TTC16: variants seen among roughly 807,000 people sequenced by gnomAD.
TTC16 encodes tetratricopeptide repeat domain 16.
TTC16 carries 66 observed loss-of-function variants against 80.4 expected under a neutral mutation model. That is an observed-to-expected ratio of 0.82 (90% CI 0.67 to 1.01). The LOEUF (loss-of-function observed/expected upper bound fraction) is 1.01. Ranked by LOEUF, TTC16 falls within the 50% of genes least tolerant of loss-of-function variation. The probability of loss-of-function intolerance (pLI) is 0.00; values close to 1 mark genes in which losing one functional copy is unlikely to be tolerated. For missense variants in TTC16, 1,070 were observed against 1,103.2 expected, an observed-to-expected ratio of 0.97 and a Z score of 0.43; for synonymous variants, 438 against 451.3, an observed-to-expected ratio of 0.97 and a Z score of 0.37.
rs1273314029 is a variant in TTC16, at chr9:127,722,994, G to A, written c.658-125G>A. 3 of 867,670 alleles carry A rather than the reference G, an allele frequency of 3.5e-6. No individual in the cohort carries two copies. Among genetic ancestry groups the A allele is most frequent in the Non-Finnish European group, 5.3e-6 (3 of 570,746 alleles). 53.7% of individuals were successfully genotyped at this position (867,670 alleles called of 1,614,324 possible). A position where few individuals can be genotyped will look rare whatever the true frequency, so the allele number is the denominator to read the frequency against. On this transcript the variant is annotated intron_variant, in intron 6 of 13. Transcript: ENST00000373289. The surrounding 1 kb of genome is among the most constrained non-coding windows in gnomAD (Gnocchi z 4.2). ...AAAAAAAAAAAAAAGCAGAAAGGGT[G>A]GAACATGGAGGGATGTGAGGGGCAC... is the stretch of plus-strand genomic sequence containing the variant.
chr9:127,727,332 A>C lies in TTC16; in HGVS notation c.1631A>C (p.Gln544Pro), dbSNP rs534598690. 4 of 1,603,358 alleles carry C rather than the reference A, an allele frequency of 2.5e-6. No individual in the cohort carries two copies. The highest frequency in any genetic ancestry group is 3.4e-6 in the Non-Finnish European group (4 of 1,172,910). Reference sequence around the variant, plus strand: ...TTGGCCCTGCAGCACTCATGGAAGCAGGGGGAGCCTTTGATTGCGACCTCC... The same window carrying C: ...TTGGCCCTGCAGCACTCATGGAAGCCGGGGGAGCCTTTGATTGCGACCTCC... ...KALALQHSWK[Q>P]GEPLIATSEE... Residue 544 changes from glutamine to proline, a missense_variant, in exon 12 of 14, where the codon CAG (glutamine) becomes CCG (proline). Coordinates refer to ENST00000373289, the MANE Select transcript of TTC16 (RefSeq NM_144965.3).
chr9:127,717,829 C>T, intron 4 of TTC16, 57 bp downstream of exon 4: 1 of 1,555,400 alleles, frequency 6.4e-7, no homozygotes, highest in South Asian at 1.2e-5. Context: ...CTCAGGGGCT[C>T]TCCTGGCTCC....
In TTC16 at chr9:127,724,128, T is replaced by C; in HGVS notation, c.881T>C (p.Met294Thr). The C allele has an allele frequency of 2.5e-6, 4 of 1,610,210 alleles. No homozygotes were observed. The highest frequency in any genetic ancestry group is 2.2e-5 in the East Asian group (1 of 44,830). Residue 294 changes from methionine (M) to threonine (T), a missense_variant, in exon 8 of 14, where the codon ATG (methionine) becomes ACG (threonine). Met to Thr is a moderately conservative substitution (Grantham distance 81, BLOSUM62 -1). Coordinates refer to ENST00000373289, the MANE Select transcript of TTC16 (RefSeq NM_144965.3). ...DPSLFLFRGT[M>T]YRRLQEFDGA... ...CACGCCCCCCCCGACAGGGGCACCATGTACCGACGGCTCCAGGAGTTCGAT... is the reference window on the plus strand; with the variant it reads ...CACGCCCCCCCCGACAGGGGCACCACGTACCGACGGCTCCAGGAGTTCGAT...
At position 127,720,375 on chromosome 9, in the gene TTC16, C is replaced by G; in HGVS notation, c.637C>G (p.Leu213Val). Residue 213 changes from leucine to valine, a missense_variant, in exon 6 of 14, where the codon CTC becomes GTC. Physicochemically the swap from Leu to Val is conservative, Grantham distance 32 (BLOSUM62 1). Coordinates refer to ENST00000373289, the MANE Select transcript of TTC16 (RefSeq NM_144965.3). ...CGATGTCTACATCTTCCGGGCCAGACTCTACAACTTTCTCCAGAAGGTACA... is the reference window on the plus strand; with the variant it reads ...CGATGTCTACATCTTCCGGGCCAGAGTCTACAACTTTCTCCAGAAGGTACA... ...NADVYIFRARLYNFLQKPHLC... is the reference protein window; with the variant it reads ...NADVYIFRARVYNFLQKPHLC... The G allele has an allele frequency of 1.2e-6, 2 of 1,611,642 alleles. No homozygotes were observed. Among genetic ancestry groups the G allele is most frequent in the Non-Finnish European group, 1.7e-6 (2 of 1,178,584 alleles).
At chr9:127,727,240 T>C in intron 11 of TTC16, 30 bp from the exon 12 acceptor site, 1 of 1,535,946 alleles carries the variant, frequency 6.5e-7, no homozygotes, top group Non-Finnish European at 8.8e-7. Flanking sequence ...CCAGGGAGAC[T>C]GACAATACCT....
chr9:127,726,990 C>T lies in TTC16; in HGVS notation c.1446C>T (p.Asn482=), dbSNP rs974747844. 9 of 1,613,212 alleles carry T rather than the reference C, an allele frequency of 5.6e-6. No homozygotes were observed. The highest frequency in any genetic ancestry group is 7.6e-6 in the Non-Finnish European group (9 of 1,180,014). Residue 482 remains asparagine, a synonymous_variant, in exon 11 of 14, where the codon AAC becomes AAT. Coordinates refer to ENST00000373289, the MANE Select transcript of TTC16 (RefSeq NM_144965.3). Reference sequence around the variant, plus strand: ...GGCAGCTGTCCCTGCTGATGACCAACCTCTTCCCGGGCATGTCGGTGGAGG... The same window carrying T: ...GGCAGCTGTCCCTGCTGATGACCAATCTCTTCCCGGGCATGTCGGTGGAGG... ...KQPKLSLLMT[N]LFPGMSVEEV... is the part of the protein sequence containing the mutation.
chr9:127,728,685 C>T (rs1380418776), intron 12 of TTC16: 1 of 152,210 alleles, frequency 6.6e-6, no homozygotes, highest in Non-Finnish European at 1.5e-5. Flanking sequence ...GTCCCAGCTA[C>T]TTGGGAGGCT....
chr9:127,716,305 C>A, intron 1 of TTC16, 142 bp downstream of exon 1: 2 of 1,257,614 alleles, frequency 1.6e-6, no homozygotes, highest in South Asian at 1.2e-5. Flanking sequence ...ATGCCAAGAA[C>A]CAGGCATGTG....
rs780711400 is a variant in TTC16 at position 127,727,004 on chromosome 9, T to A, written c.1460T>A (p.Met487Lys). The A allele has an allele frequency of 1.7e-5, 28 of 1,613,006 alleles. No homozygotes were observed. In the Middle Eastern group the frequency reaches 9.9e-4, roughly 57 times the overall value. The change falls in exon 11 of 14, where the codon ATG becomes AAG. Residue 487 changes from methionine to lysine, a missense_variant. Met to Lys is a moderately conservative substitution (Grantham distance 95). Coordinates refer to ENST00000373289, the MANE Select transcript of TTC16 (RefSeq NM_144965.3). ...CTGATGACCAACCTCTTCCCGGGCA[T>A]GTCGGTGGAGGAGGTGCTTAGCACC... The part of the protein sequence containing the change: ...SLLMTNLFPG[M>K]SVEEVLSTQI...
intron 12 of TTC16, chr9:127,729,270 C>T (rs553128854): frequency 9.9e-6 from 3 of 303,766 alleles, no homozygotes; most frequent in South Asian, 3.5e-5. Context: ...CCCCAGGGCA[C>T]AGCCCTTTAC....
In TTC16 at chr9:127,729,494, C is replaced by A. The variant is rs1050050481; in HGVS notation, c.1765-87C>A. 11 of 1,117,700 alleles carry A rather than the reference C, an allele frequency of 9.8e-6. No individual in the cohort carries two copies. The African/African-American group carries it at 1.5e-4, about 16-fold the overall frequency. The allele number at this position is 1,117,700 out of a possible 1,614,324, so 69.2% of individuals were successfully genotyped here. Reference sequence around the variant, plus strand: ...CCTCCAAGCTCAGGAGAATGACCACCGAGGGGCCCAGGGCTGCTGGCCTTC... The same window carrying A: ...CCTCCAAGCTCAGGAGAATGACCACAGAGGGGCCCAGGGCTGCTGGCCTTC... On this transcript the variant is annotated intron_variant, in intron 12 of 13. Transcript: ENST00000373289.
At position 127,724,245 on chromosome 9, in the gene TTC16, C is replaced by T; in HGVS notation, c.998C>T (p.Thr333Ile). The change falls in exon 8 of 14, where the codon ACC (threonine) becomes ATC (isoleucine). Residue 333 changes from threonine (T) to isoleucine (I), a missense_variant. By Grantham distance (89) the Thr-to-Ile change is moderately conservative. Transcript: ENST00000373289. ...CAGGCACAGCGCCAGCTGTTGCTGA[C>T]CTACAACGACTTTGCCGTGCACTGC... ...VRQAQRQLLL[T>I]YNDFAVHCYR... is the part of the protein sequence containing the mutation. 1 of 1,613,106 alleles carries T rather than the reference C, an allele frequency of 6.2e-7. No individual in the cohort carries two copies. The highest frequency in any genetic ancestry group is 8.5e-7 in the Non-Finnish European group (1 of 1,180,042).
chr9:127,722,893 G>C lies in TTC16; in HGVS notation c.658-226G>C, dbSNP rs956538297. Among the ~76,000 whole-genome samples, 1 of 151,864 alleles carries C rather than the reference G, an allele frequency of 6.6e-6. No homozygotes were observed. The highest frequency in any genetic ancestry group is 1.9e-4 in the East Asian group (1 of 5,178). ...TGAGGTGGAAGAATCGCTTGAACCC[G>C]GGAGGCAGAGGTTGCAGTGAGCCAA... is the stretch of plus-strand genomic sequence containing the variant. On this transcript the variant is annotated intron_variant, in intron 6 of 13. Coordinates refer to ENST00000373289, the MANE Select transcript of TTC16 (RefSeq NM_144965.3). The surrounding 1 kb of genome is among the most constrained non-coding windows in gnomAD (Gnocchi z 4.2).
Position 127,720,313 on chromosome 9 carries a change from TCATCACCAACGAGCTGAAGCAGGA to T in TTC16, c.578_601del (p.Ile193_Asp200del). On this transcript the variant is annotated inframe_deletion, in exon 6 of 14. Coordinates refer to ENST00000373289, the MANE Select transcript of TTC16 (RefSeq NM_144965.3). ...AAGCAGCATCAGGCCTGCCTCACGC[TCATCACCAACGAGCTGAAGCAGGA>T]CACCACCAACGCCGATGTCTACATC... The T allele has an allele frequency of 6.2e-7, 1 of 1,613,322 alleles. No homozygotes were observed. The highest frequency in any genetic ancestry group is 8.5e-7 in the Non-Finnish European group (1 of 1,179,968).
In TTC16 at chr9:127,727,008, G is replaced by A. The variant is rs191374012; in HGVS notation, c.1464G>A (p.Ser488=). ...LLMTNLFPGM[S]VEEVLSTQIA... ...TGACCAACCTCTTCCCGGGCATGTC[G>A]GTGGAGGAGGTGCTTAGCACCCAGA... Residue 488 remains serine (S), a synonymous_variant, in exon 11 of 14, where the codon TCG becomes TCA. Coordinates refer to ENST00000373289, the MANE Select transcript of TTC16 (RefSeq NM_144965.3). The A allele has an allele frequency of 3.6e-4, 574 of 1,613,044 alleles. 4 individuals carry two copies. The highest frequency in any genetic ancestry group is 1.3e-3 in the South Asian group (120 of 91,088).
chr9:127,724,994 T>G, intron 9 of TTC16, 97 bp downstream of exon 9: 2 of 1,380,686 alleles, frequency 1.4e-6, no homozygotes, highest in Non-Finnish European at 1.9e-6. Flanking sequence ...TCAAGCTGCT[T>G]CTCTCCTCGG....
chr9:127,717,462 G>C (rs1202293546), intron 3 of TTC16, 38 bp downstream of exon 3: 3 of 1,596,222 alleles, frequency 1.9e-6, no homozygotes, highest in Non-Finnish European at 1.7e-6. Context: ...GCAGTTGCTG[G>C]AACATGCTTC....
intron 13 of TTC16, 148 bp from the exon 14 acceptor site, chr9:127,730,488 T>C (rs1233617850): frequency 1.6e-6 from 2 of 1,232,834 alleles, no homozygotes; most frequent in Admixed American, 5.6e-5. Flanking sequence ...CGCTGGGGGC[T>C]GGGCGGGGGT....
chr9:127,726,026 T>C (rs1175554412), intron 9 of TTC16, among the ~76,000 whole-genome samples: 1 of 152,170 alleles, frequency 6.6e-6, no homozygotes, highest in East Asian at 1.9e-4. Context: ...TACCCCAAGA[T>C]CATAAAGATA....
Sources: gnomAD v4.1 joint callset for allele counts (sites outside exome capture counted in the v4.1 genomes callset) on GRCh38, gnomAD v4.1.1 for gene constraint, Gnocchi (gnomAD v3.1) non-coding constraint, MANE v1.5 for transcripts, NCBI Gene and HGNC (gene_info 2026-07-23, HGNC 2026-07-21) for gene names.